NPEPL1: variants seen among roughly 807,000 people sequenced by gnomAD.
NPEPL1 encodes the protein probable aminopeptidase NPEPL1.
In NPEPL1, 45 loss-of-function variants were observed where a neutral mutation model predicts 52.4. The observed-to-expected ratio is 0.86, with a 90% CI of 0.68 to 1.10. The LOEUF is 1.10. NPEPL1 is among the 50% of genes least tolerant of loss of function. NPEPL1 has a pLI of 0.00. For missense variants in NPEPL1, 696 were observed against 710.9 expected, an observed-to-expected ratio of 0.98 and a Z score of 0.24; for synonymous variants, 360 against 314.7, an observed-to-expected ratio of 1.14 and a Z score of -1.52.
At chr20:58,704,010 T>C (rs2084688090) in intron 6 of NPEPL1, 2 of 985,306 alleles carry the variant, frequency 2.0e-6, no homozygotes, top group Non-Finnish European at 2.4e-6. Flanking sequence ...TCTTCCCCGC[T>C]GCAGTTGGAA....
At chr20:58,690,948 C>A, upstream of NPEPL1, 1 of 567,342 alleles carries the variant, frequency 1.8e-6, no homozygotes, top group Non-Finnish European at 3.2e-6. Flanking sequence ...TCTCCTCACC[C>A]ACTCCTATTT....
chr20:58,705,132 A>G (rs2084712692), intron 6 of NPEPL1, among the ~76,000 whole-genome samples: 1 of 152,228 alleles, frequency 6.6e-6, no homozygotes, highest in South Asian at 2.1e-4. Context: ...AAAAGCTCAA[A>G]TGTATACCAT....
At chr20:58,695,258 G>A (rs1328572061) in intron 3 of NPEPL1, among the ~76,000 whole-genome samples, 2 of 87,058 alleles carry the variant, frequency 2.3e-5, no homozygotes, top group Admixed American at 1.1e-4. Context: ...GTGTGCATGA[G>A]TGGTGTGTGT....
At position 58,692,853 on chromosome 20, in the gene NPEPL1, GCGGGC is replaced by G. The variant is rs1164201254; in HGVS notation, c.-32_-28del. 28 of 987,472 alleles carry G rather than the reference GCGGGC, an allele frequency of 2.8e-5. No homozygotes were observed. The highest frequency in any genetic ancestry group is 1.9e-4 in the African/African-American group (11 of 56,614). The allele number at this position is 987,472 out of a possible 1,614,324, so 61.2% of individuals were successfully genotyped here. ...GGAGCGGGGCGAAGGGGGCCGAGCG[GCGGGC>G]CGGGCCGGGCCGGGCAGGGCCGGGG... On this transcript the variant is annotated 5_prime_UTR_variant, in exon 1 of 12. Transcript: ENST00000356091. This position sits in a 1 kb window ranked among gnomAD's most constrained non-coding sequence, Gnocchi z 5.7.
At position 58,713,267 on chromosome 20, in the gene NPEPL1, G is replaced by T; in HGVS notation, c.1002-153G>T. 2 of 958,586 alleles carry T rather than the reference G, an allele frequency of 2.1e-6. No homozygotes were observed. The highest frequency in any genetic ancestry group is 1.7e-5 in the South Asian group (1 of 57,774). 59.4% of individuals were successfully genotyped at this position (958,586 alleles called of 1,614,324 possible). A position where few individuals can be genotyped will look rare whatever the true frequency, so the allele number is the denominator to read the frequency against. ...GGCACTGCATTGCTGTAGGGACTGG[G>T]GGCATCCCGGCCTTCCCATTCAGGG... is the stretch of plus-strand genomic sequence containing the variant. On this transcript the variant is annotated intron_variant, in intron 8 of 11. Coordinates refer to ENST00000356091, the MANE Select transcript of NPEPL1 (RefSeq NM_024663.4). This position sits in a 1 kb window ranked among gnomAD's most constrained non-coding sequence, Gnocchi z 4.6.
At chr20:58,701,307 TG>T (rs1226818959) in intron 6 of NPEPL1, 149 bp downstream of exon 6, 1 of 15,304 alleles carries the variant, frequency 6.5e-5, no homozygotes, top group Non-Finnish European at 1.2e-4. Context: ...CAGGGTGCCC[TG>T]GGGTTGGGGT....
At position 58,707,377 on chromosome 20, in the gene NPEPL1, T is replaced by C. The variant is rs1204964585; in HGVS notation, c.900+177T>C. Among the ~76,000 whole-genome samples the C allele has an allele frequency of 4.6e-5, 7 of 152,314 alleles. No individual in the cohort carries two copies. In the East Asian group the frequency reaches 1.2e-3, roughly 25 times the overall value. On this transcript the variant is annotated intron_variant, in intron 7 of 11. Coordinates refer to ENST00000356091, the MANE Select transcript of NPEPL1 (RefSeq NM_024663.4). ...CTGGGGCCCCCAGAGCTTCCCGCCT[T>C]CATCAGAGCTGCTCTGGGAGGCCCC...
upstream of NPEPL1, among the ~76,000 whole-genome samples, chr20:58,690,430 A>C (rs1409227920): frequency 6.6e-6 from 1 of 152,236 alleles, no homozygotes; most frequent in Non-Finnish European, 1.5e-5. Context: ...AAATTTATCT[A>C]AACAAAGTGC....
chr20:58,706,981 G>A, intron 6 of NPEPL1, 142 bp from the exon 7 acceptor site: 1 of 811,398 alleles, frequency 1.2e-6, no homozygotes, highest in Non-Finnish European at 2.1e-6. Context: ...GGGTGCCCAG[G>A]AGGCCTGGTG....
chr20:58,704,073 G>A, intron 6 of NPEPL1: 1 of 985,406 alleles, frequency 1.0e-6, no homozygotes, highest in South Asian at 4.7e-5. Context: ...AGCTGTTACT[G>A]TGTGGAGTGG....
chr20:58,694,063 G>A, intron 2 of NPEPL1, 141 bp downstream of exon 2: 1 of 877,872 alleles, frequency 1.1e-6, no homozygotes, highest in Non-Finnish European at 1.7e-6. Flanking sequence ...CTGTAGACAG[G>A]GAAACAGGTC....
chr20:58,698,006 C>G (rs1051966456), intron 3 of NPEPL1, among the ~76,000 whole-genome samples: 6 of 152,248 alleles, frequency 3.9e-5, no homozygotes, highest in African/African-American at 1.4e-4. Flanking sequence ...GTGTCCTTCC[C>G]CTCCGTGCCC....
chr20:58,706,865 C>T (rs561773933), intron 6 of NPEPL1, among the ~76,000 whole-genome samples: 19 of 152,324 alleles, frequency 1.2e-4, no homozygotes, highest in Non-Finnish European at 2.2e-4. Flanking sequence ...TTTGATAACC[C>T]CAAAGTTCTG....
Position 58,701,164 on chromosome 20 carries a change from G to A in NPEPL1, c.822+6G>A, listed in dbSNP as rs375688561. The stretch of plus-strand genomic sequence containing the variant: ...GCCTCAGCATCAAAGGGAAGGTGAG[G>A]TGCGGGCTGGCTCTCAGGGTGCCCT... On this transcript the variant is annotated splice_donor_region_variant and intron_variant, in intron 6 of 11. Coordinates refer to ENST00000356091, the MANE Select transcript of NPEPL1 (RefSeq NM_024663.4). 615 of 1,546,550 alleles carry A rather than the reference G, an allele frequency of 4.0e-4. 1 individual carries two copies. In the African/African-American group the frequency reaches 7.8e-3, roughly 20 times the overall value.
intron 5 of NPEPL1, among the ~76,000 whole-genome samples, chr20:58,699,549 G>T (rs574594956): frequency 6.6e-6 from 1 of 152,204 alleles, no homozygotes; most frequent in African/African-American, 2.4e-5. Flanking sequence ...CAGCGTCCTC[G>T]CGTGCTGCAC....
In NPEPL1 at chr20:58,713,264, TG is replaced by T; in HGVS notation, c.1002-151del. ...CCAGGCACTGCATTGCTGTAGGGACTGGGGGCATCCCGGCCTTCCCATTCAG... is the reference window on the plus strand; with the variant it reads ...CCAGGCACTGCATTGCTGTAGGGACTGGGGCATCCCGGCCTTCCCATTCAG... On this transcript the variant is annotated intron_variant, in intron 8 of 11. Transcript: ENST00000356091. This position sits in a 1 kb window ranked among gnomAD's most constrained non-coding sequence, Gnocchi z 4.6. 2.2e-6 allele frequency: 2 copies of T among 917,914 alleles called. No homozygotes were observed. Among genetic ancestry groups the T allele is most frequent in the Non-Finnish European group, 3.2e-6 (2 of 621,022 alleles). The allele number at this position is 917,914 out of a possible 1,614,324, so 56.9% of individuals were successfully genotyped here.
chr20:58,696,189 C>T (rs1260166509), intron 3 of NPEPL1, among the ~76,000 whole-genome samples: 3 of 152,354 alleles, frequency 2.0e-5, no homozygotes, highest in South Asian at 4.1e-4. Flanking sequence ...AGTCCCTTCC[C>T]CTCCTGTGGA....
intron 6 of NPEPL1, among the ~76,000 whole-genome samples, chr20:58,702,528 G>A (rs190228321): frequency 2.0e-5 from 3 of 152,042 alleles, no homozygotes; most frequent in Non-Finnish European, 2.9e-5. Context: ...TCATAAAAAG[G>A]GTTTTTTGTT....
At position 58,715,495 on chromosome 20, in the gene NPEPL1, G is replaced by T; in HGVS notation, c.*169G>T. ...TAGGAGACAGCTTAGGGTTTGGTGC[G>T]GGCCACGGGGAGGGGACCGGGAAGC... is the stretch of plus-strand genomic sequence containing the variant. On this transcript the variant is annotated 3_prime_UTR_variant, in exon 12 of 12. Transcript: ENST00000356091. 1.5e-6 allele frequency: 1 copy of T among 674,502 alleles called. No individual in the cohort carries two copies. Among genetic ancestry groups the T allele is most frequent in the Non-Finnish European group, 2.3e-6 (1 of 428,278 alleles). The allele number at this position is 674,502 out of a possible 1,614,324, so 41.8% of individuals were successfully genotyped here.
Sources: gnomAD v4.1 joint callset for allele counts (sites outside exome capture counted in the v4.1 genomes callset) on GRCh38, gnomAD v4.1.1 for gene constraint, Gnocchi (gnomAD v3.1) non-coding constraint, MANE v1.5 for transcripts, NCBI Gene and HGNC (gene_info 2026-07-23, HGNC 2026-07-21) for gene names.